CACNA2D2: variants seen among roughly 807,000 people sequenced by gnomAD.
CACNA2D2 encodes the protein voltage-dependent calcium channel subunit alpha-2/delta-2.
CACNA2D2 carries 48 observed loss-of-function variants against 166.4 expected under a neutral mutation model. The observed-to-expected ratio is 0.29, with a 90% CI of 0.23 to 0.37. The LOEUF is 0.37. Among genes scored for constraint, CACNA2D2 ranks in the 10% least tolerant of loss-of-function variants. The pLI, the probability that CACNA2D2 is intolerant of heterozygous loss-of-function variation, is 1.00. For synonymous variants in CACNA2D2, 561 were observed against 573.7 expected (o/e 0.98, Z 0.32); for missense variants, 1,122 against 1,433.0 (o/e 0.78, Z 3.50).
At chr3:50,453,839 C>T (rs1018353021) in intron 2 of CACNA2D2, among the ~76,000 whole-genome samples, 3 of 152,192 alleles carry the variant, frequency 2.0e-5, no homozygotes, top group South Asian at 2.1e-4. Context: ...GTGAGGGCCA[C>T]GGCTGGGAGG....
At chr3:50,402,437 A>G (rs1706492330) in intron 3 of CACNA2D2, among the ~76,000 whole-genome samples, 1 of 152,220 alleles carries the variant, frequency 6.6e-6, no homozygotes, top group Admixed American at 6.5e-5. Context: ...TGCCTTACCC[A>G]GTCCCCTGCT....
chr3:50,494,848 T>G (rs1419189197), intron 1 of CACNA2D2, among the ~76,000 whole-genome samples: 1 of 152,154 alleles, frequency 6.6e-6, no homozygotes, highest in South Asian at 2.1e-4. Context: ...CTAATTTTTG[T>G]ATTTTTTTGT....
chr3:50,394,167 C>G lies in CACNA2D2; in HGVS notation c.407G>C (p.Arg136Thr). The change falls in exon 4 of 38, where the codon AGA becomes ACA. Residue 136 changes from arginine (R) to threonine (T), a missense_variant and splice_region_variant. Arg to Thr is a moderately conservative substitution (Grantham distance 71, BLOSUM62 -1). This residue lies in a region of CACNA2D2 where 840 missense variants were observed against 1,166.8 expected (regional missense o/e 0.72). Transcript: ENST00000424201. ...GAAGTTCTCTGCAGCATCAGCCAGT[C>G]TCTGAGGGACAGAGCACAGGGAGGT... Reference protein sequence around the residue: ...LLDRKVQALKRLADAAENFQK... With the variant: ...LLDRKVQALKTLADAAENFQK... 1 of 1,614,026 alleles carries G rather than the reference C, an allele frequency of 6.2e-7. No individual in the cohort carries two copies. The highest frequency in any genetic ancestry group is 1.1e-5 in the South Asian group (1 of 91,080).
intron 4 of CACNA2D2, among the ~76,000 whole-genome samples, chr3:50,391,667 G>C (rs1270330305): frequency 6.6e-6 from 1 of 152,212 alleles, no homozygotes; most frequent in Non-Finnish European, 1.5e-5. Context: ...AACCCCCCAG[G>C]CTGAGGTCAG....
chr3:50,411,717 C>T (rs1460044702), intron 3 of CACNA2D2, among the ~76,000 whole-genome samples: 1 of 152,214 alleles, frequency 6.6e-6, no homozygotes, highest in Non-Finnish European at 1.5e-5. Flanking sequence ...GGAGCCCACA[C>T]CTAAGTCTGT....
At chr3:50,371,796 C>T (rs1244540470) in intron 22 of CACNA2D2, among the ~76,000 whole-genome samples, 5 of 151,456 alleles carry the variant, frequency 3.3e-5, no homozygotes, top group East Asian at 1.9e-4. Context: ...AAAAGGAGGG[C>T]GAAGGAGCAG....
chr3:50,497,986 C>A (rs950627338), intron 1 of CACNA2D2, among the ~76,000 whole-genome samples: 2 of 152,184 alleles, frequency 1.3e-5, no homozygotes, highest in Non-Finnish European at 2.9e-5. Flanking sequence ...AGGGCTGTAG[C>A]CAGCAATGGG....
At chr3:50,494,941 G>T (rs1396382349) in intron 1 of CACNA2D2, among the ~76,000 whole-genome samples, 1 of 152,192 alleles carries the variant, frequency 6.6e-6, no homozygotes, top group African/African-American at 2.4e-5. Context: ...CTCCTAAAGT[G>T]CTGGGAGTAC....
intron 3 of CACNA2D2, among the ~76,000 whole-genome samples, chr3:50,414,476 C>G (rs1707175069): frequency 6.6e-6 from 1 of 152,150 alleles, no homozygotes; most frequent in African/African-American, 2.4e-5. Flanking sequence ...CCTGCTGCCT[C>G]CTCTAGGGTA....
chr3:50,365,478 G>A lies in CACNA2D2; in HGVS notation c.2976C>T (p.Pro992=), dbSNP rs1373910253. ...LIYHSWFQAD[P]AEAEGSPETR... is the part of the protein sequence containing the mutation. ...TCTCGGGGCTCCCCTCGGCCTCCGC[G>A]GGGTCTGCGAGGGCCCAGAGCGCCT... Residue 992 remains proline, a synonymous_variant, in exon 35 of 38, where the codon CCC becomes CCT. Transcript: ENST00000424201. This position sits in a 1 kb window ranked among gnomAD's most constrained non-coding sequence, Gnocchi z 4.5. The A allele has an allele frequency of 6.2e-7, 1 of 1,613,118 alleles. No individual in the cohort carries two copies. Among genetic ancestry groups the A allele is most frequent in the Non-Finnish European group, 8.5e-7 (1 of 1,179,830 alleles).
intron 2 of CACNA2D2, among the ~76,000 whole-genome samples, chr3:50,442,221 G>T (rs1289715449): frequency 2.6e-5 from 4 of 152,148 alleles, no homozygotes; most frequent in Admixed American, 2.6e-4. Flanking sequence ...ATCCCAAATG[G>T]CCCTGGGCAA....
At chr3:50,408,590 CGAG>C (rs1706835648) in intron 3 of CACNA2D2, among the ~76,000 whole-genome samples, 1 of 152,264 alleles carries the variant, frequency 6.6e-6, no homozygotes, top group Non-Finnish European at 1.5e-5. Context: ...TTGGTTATTA[CGAG>C]GAGTAAAGGC....
intron 3 of CACNA2D2, among the ~76,000 whole-genome samples, chr3:50,412,628 G>T (rs1467482714): frequency 2.0e-4 from 30 of 151,426 alleles, no homozygotes; most frequent in African/African-American, 7.3e-4. Flanking sequence ...GGGAGGGAGA[G>T]GATAGGGGTG....
Position 50,379,225 on chromosome 3 carries a change from C to T in CACNA2D2, c.1153-26G>A, listed in dbSNP as rs767643042. ...CTGAGGGGAGTGAGGCGGAGGCAGGCAGCTCTCAGCCCTCCCTGGTCCAGG... is the reference window on the plus strand; with the variant it reads ...CTGAGGGGAGTGAGGCGGAGGCAGGTAGCTCTCAGCCCTCCCTGGTCCAGG... On this transcript the variant is annotated intron_variant, in intron 11 of 37. Coordinates refer to ENST00000424201, the MANE Select transcript of CACNA2D2 (RefSeq NM_006030.4). This position sits in a 1 kb window ranked among gnomAD's most constrained non-coding sequence, Gnocchi z 6.5. 2.9e-5 allele frequency: 46 copies of T among 1,584,536 alleles called. No individual in the cohort carries two copies. The highest frequency in any genetic ancestry group is 3.6e-5 in the Non-Finnish European group (42 of 1,153,492).
chr3:50,477,224 C>T (rs888192646), intron 1 of CACNA2D2, among the ~76,000 whole-genome samples: 14 of 151,684 alleles, frequency 9.2e-5, no homozygotes, highest in African/African-American at 3.4e-4. Flanking sequence ...CCACCGTGCC[C>T]GGCCCACCCT....
rs1486743233 is a variant in CACNA2D2 at position 50,503,517 on chromosome 3, A to G, written c.-94T>C. On this transcript the variant is annotated 5_prime_UTR_variant, in exon 1 of 38. Transcript: ENST00000424201. ...GGGGGGGCGCGGGCGGCGGGCGGTA[A>G]CTCGGCCTCTCCTCCGCCGCCGCCT... 1 of 167,328 alleles carries G rather than the reference A, an allele frequency of 6.0e-6. No individual in the cohort carries two copies. The highest frequency in any genetic ancestry group is 1.8e-4 in the East Asian group (1 of 5,628). 10.4% of individuals were successfully genotyped at this position (167,328 alleles called of 1,614,324 possible). A position where few individuals can be genotyped will look rare whatever the true frequency, so the allele number is the denominator to read the frequency against.
At chr3:50,439,101 C>A (rs1437411498) in intron 2 of CACNA2D2, among the ~76,000 whole-genome samples, 2 of 152,240 alleles carry the variant, frequency 1.3e-5, no homozygotes, top group African/African-American at 4.8e-5. Flanking sequence ...AGGTCATACT[C>A]TTTGTACAGT....
chr3:50,393,391 T>C (rs1211584862), intron 4 of CACNA2D2, among the ~76,000 whole-genome samples: 3 of 152,218 alleles, frequency 2.0e-5, no homozygotes, highest in Non-Finnish European at 4.4e-5. Context: ...TGGGGCTTCC[T>C]TGAATCCAGG....
At chr3:50,383,341 C>G (rs1705430983) in intron 6 of CACNA2D2, among the ~76,000 whole-genome samples, 1 of 152,158 alleles carries the variant, frequency 6.6e-6, no homozygotes, top group Non-Finnish European at 1.5e-5. Context: ...GGAGCTGAGG[C>G]AGTGGCTCTG....
Sources: allele counts gnomAD v4.1 joint callset (sites outside exome capture counted in the v4.1 genomes callset), GRCh38; gene constraint gnomAD v4.1.1; regional missense constraint gnomAD v4.1.1; non-coding constraint Gnocchi (gnomAD v3.1); transcripts MANE v1.5; gene names NCBI Gene and HGNC (gene_info 2026-07-23, HGNC 2026-07-21).